Variants in SORCS2 observed in about 807,000 individuals in gnomAD.
SORCS2 encodes the protein sortilin related VPS10 domain containing receptor 2, also known as VPS10 domain-containing receptor SorCS2.
In SORCS2, 100 loss-of-function variants were observed where a neutral mutation model predicts 141.6. The ratio of observed to expected loss-of-function variants is 0.71; its 90% CI spans 0.60 to 0.83. SORCS2 has a LOEUF of 0.83. Ranked by LOEUF, SORCS2 falls within the 40% of genes least tolerant of loss-of-function variation. The probability of loss-of-function intolerance (pLI) is 0.00; values close to 1 mark genes in which losing one functional copy is unlikely to be tolerated. For missense variants in SORCS2, 1,646 were observed against 1,560.2 expected (o/e 1.05, Z -0.93); for synonymous variants, 789 against 676.9 (o/e 1.17, Z -2.57).
intron 2 of SORCS2, among the ~76,000 whole-genome samples, chr4:7,485,312 G>C (rs1490136677): frequency 6.6e-6 from 1 of 152,220 alleles, no homozygotes; most frequent in African/African-American, 2.4e-5. Context: ...ATGCTGCTTA[G>C]GGTGGATAGT....
intron 2 of SORCS2, among the ~76,000 whole-genome samples, chr4:7,496,172 G>A (rs911583407): frequency 8.5e-5 from 13 of 152,138 alleles, no homozygotes; most frequent in African/African-American, 3.1e-4. Flanking sequence ...TGGGAAGGGA[G>A]GGAGGAGACC....
intron 3 of SORCS2, among the ~76,000 whole-genome samples, chr4:7,565,495 C>G (rs1163681074): frequency 6.6e-6 from 1 of 151,788 alleles, no homozygotes; most frequent in Non-Finnish European, 1.5e-5. Context: ...ATATGATTAG[C>G]ATAATGATGA....
intron 2 of SORCS2, among the ~76,000 whole-genome samples, chr4:7,477,681 GGA>G (rs1392288828): frequency 1.7e-4 from 26 of 152,344 alleles, no homozygotes; most frequent in Non-Finnish European, 3.2e-4. Context: ...GGACATGGAT[GGA>G]GACAAATGGC....
intron 1 of SORCS2, among the ~76,000 whole-genome samples, chr4:7,242,591 C>T (rs1439238536): frequency 1.3e-5 from 2 of 152,142 alleles, no homozygotes; most frequent in Admixed American, 6.5e-5. Flanking sequence ...GACACCTGGG[C>T]TATCATGTCC....
At chr4:7,490,699 T>G (rs1170396512) in intron 2 of SORCS2, among the ~76,000 whole-genome samples, 1 of 152,106 alleles carries the variant, frequency 6.6e-6, no homozygotes, top group Non-Finnish European at 1.5e-5. Flanking sequence ...TCCAGTGAAA[T>G]GGGGGCAGGT....
intron 11 of SORCS2, 95 bp from the exon 12 acceptor site, chr4:7,697,103 C>A: frequency 9.5e-7 from 1 of 1,056,974 alleles, no homozygotes; most frequent in Non-Finnish European, 1.4e-6. Flanking sequence ...GGGGCACTGG[C>A]CACCGTTGCT....
At chr4:7,407,104 A>G (rs534576349) in intron 2 of SORCS2, among the ~76,000 whole-genome samples, 3 of 152,206 alleles carry the variant, frequency 2.0e-5, no homozygotes, top group South Asian at 2.1e-4. Context: ...GGCCTAAGAT[A>G]TGGTCTATTC....
chr4:7,337,262 G>T (rs545283010), intron 1 of SORCS2, among the ~76,000 whole-genome samples: 1 of 152,290 alleles, frequency 6.6e-6, no homozygotes, highest in East Asian at 1.9e-4. Flanking sequence ...CTTATGGGGA[G>T]ACCTGACGGG....
chr4:7,502,043 G>T (rs1732007371), intron 2 of SORCS2, among the ~76,000 whole-genome samples: 1 of 152,168 alleles, frequency 6.6e-6, no homozygotes, highest in Admixed American at 6.5e-5. Context: ...GTTCAACCAA[G>T]GCTTCCTGAG....
intron 23 of SORCS2, among the ~76,000 whole-genome samples, chr4:7,732,797 C>T (rs1393601881): frequency 1.3e-5 from 2 of 152,138 alleles, no homozygotes; most frequent in Non-Finnish European, 2.9e-5. Flanking sequence ...GTCTCGGTCG[C>T]CTTTGTGTCC....
At chr4:7,322,217 C>T (rs1718941067) in intron 1 of SORCS2, among the ~76,000 whole-genome samples, 2 of 152,188 alleles carry the variant, frequency 1.3e-5, no homozygotes, top group Non-Finnish European at 1.5e-5. Flanking sequence ...CAGTGCTTGT[C>T]CTAGGGGCAG....
rs538390406 is a variant in SORCS2 at position 7,702,320 on chromosome 4, A to C, written c.1669-960A>C. On this transcript the variant is annotated intron_variant, in intron 12 of 26. Transcript: ENST00000507866. ...ATGTGTTGGAGATGGCTGTGCCCTT[A>C]CTGGGCATGTTGAGACATGCGCTGG... Among the ~76,000 whole-genome samples, 68 of 152,312 alleles carry C rather than the reference A, an allele frequency of 4.5e-4. 1 individual carries two copies. Among genetic ancestry groups the C allele is most frequent in the African/African-American group, 1.6e-3 (67 of 41,578 alleles).
chr4:7,639,999 G>A (rs971262597), intron 4 of SORCS2, among the ~76,000 whole-genome samples: 5 of 151,754 alleles, frequency 3.3e-5, no homozygotes, highest in Non-Finnish European at 5.9e-5. Flanking sequence ...GTGTGCGAGT[G>A]TGAAAGTGCA....
intron 1 of SORCS2, among the ~76,000 whole-genome samples, chr4:7,348,816 G>C (rs935279105): frequency 6.6e-6 from 1 of 152,216 alleles, no homozygotes; most frequent in Non-Finnish European, 1.5e-5. Flanking sequence ...GTCTCCCAAA[G>C]TGCAGGGATT....
At position 7,341,945 on chromosome 4, in the gene SORCS2, A is replaced by G. The variant is rs577342972; in HGVS notation, c.481-54343A>G. Among the ~76,000 whole-genome samples, 67 of 152,284 alleles carry G rather than the reference A, an allele frequency of 4.4e-4. 2 individuals carry two copies. In the South Asian group the frequency reaches 0.013, roughly 29 times the overall value. On this transcript the variant is annotated intron_variant, in intron 1 of 26. Transcript: ENST00000507866. The stretch of plus-strand genomic sequence containing the variant: ...AGATATTTTATGTTGATAGAATCAT[A>G]TATGATGTGGTCTTTTGCTTCTGCC...
chr4:7,673,946 A>G (rs1423769152), intron 8 of SORCS2, among the ~76,000 whole-genome samples: 2 of 152,280 alleles, frequency 1.3e-5, no homozygotes, highest in Non-Finnish European at 1.5e-5. Context: ...ACCTTCCCCT[A>G]GTCAGGCAGC....
At chr4:7,485,441 C>T (rs894982995) in intron 2 of SORCS2, among the ~76,000 whole-genome samples, 2 of 152,268 alleles carry the variant, frequency 1.3e-5, no homozygotes, top group African/African-American at 4.8e-5. Context: ...ACCAGGTTGG[C>T]TCTGTGGGCC....
intron 1 of SORCS2, among the ~76,000 whole-genome samples, chr4:7,258,306 A>C (rs1334449606): frequency 6.6e-6 from 1 of 151,966 alleles, no homozygotes; most frequent in Non-Finnish European, 1.5e-5. Flanking sequence ...CTAACACCAC[A>C]CCCACCGACA....
At chr4:7,639,410 ATAAGTGTGTGTGTGTATGCACACTTG>A (rs1364427437) in intron 4 of SORCS2, among the ~76,000 whole-genome samples, 2 of 120,344 alleles carry the variant, frequency 1.7e-5, no homozygotes, top group Non-Finnish European at 3.7e-5. Flanking sequence ...TGCCTACTGC[ATAAGTGTGTGTGTGTATGCACACTTG>A]TAAGTGTGTG....
Sources: allele counts gnomAD v4.1 joint callset (sites outside exome capture counted in the v4.1 genomes callset), GRCh38; gene constraint gnomAD v4.1.1; transcripts MANE v1.5; gene names NCBI Gene and HGNC (gene_info 2026-07-23, HGNC 2026-07-21).